Variants in AP2A2 observed in about 807,000 individuals in gnomAD.
AP2A2 encodes AP-2 complex subunit alpha-2.
In AP2A2, 32 loss-of-function variants were observed where a neutral mutation model predicts 104.2. That is an observed-to-expected ratio of 0.31 (90% CI 0.23 to 0.41). The LOEUF (loss-of-function observed/expected upper bound fraction) is 0.41. Ranked by LOEUF, AP2A2 falls within the 10% of genes least tolerant of loss-of-function variation. The pLI, the probability that AP2A2 is intolerant of heterozygous loss-of-function variation, is 1.00. For missense variants in AP2A2, 912 were observed against 1,261.0 expected, an observed-to-expected ratio of 0.72 and a Z score of 4.19; for synonymous variants, 539 against 533.3, an observed-to-expected ratio of 1.01 and a Z score of -0.15.
intron 6 of AP2A2, among the ~76,000 whole-genome samples, chr11:982,664 T>G (rs933314848): frequency 9.9e-5 from 15 of 152,044 alleles, no homozygotes; most frequent in Non-Finnish European, 2.1e-4. Flanking sequence ...TTTTTTTTTT[T>G]TTTGAGATAG....
intron 4 of AP2A2, among the ~76,000 whole-genome samples, chr11:973,171 C>A (rs966939765): frequency 2.0e-5 from 3 of 152,216 alleles, no homozygotes; most frequent in African/African-American, 7.2e-5. Flanking sequence ...ACAGTGAGGA[C>A]TGGAGACAAG....
chr11:935,486 G>T (rs1377857885), intron 1 of AP2A2, among the ~76,000 whole-genome samples: 2 of 151,708 alleles, frequency 1.3e-5, no homozygotes, highest in East Asian at 1.9e-4. Context: ...ATTTTTAGTA[G>T]AGACAGAGTT....
Position 1,000,456 on chromosome 11 carries a change from C to T in AP2A2, c.1981C>T (p.Leu661=). ...GTCTACGCCTTCTCCGTCGGCAGAC[C>T]TGCTGGGTCTCGGGGCTGCCCCCCC... ...AVSTPSPSAD[L]LGLGAAPPAP... Residue 661 remains leucine (L), a synonymous_variant, in exon 15 of 22, where the codon CTG becomes TTG. Coordinates refer to ENST00000448903, the MANE Select transcript of AP2A2 (RefSeq NM_012305.4). 1 of 1,543,196 alleles carries T rather than the reference C, an allele frequency of 6.5e-7. No homozygotes were observed. Among genetic ancestry groups the T allele is most frequent in the Non-Finnish European group, 8.7e-7 (1 of 1,147,500 alleles).
rs768577549 is a variant in AP2A2 at position 988,574 on chromosome 11, G to A, written c.1154G>A (p.Arg385Gln). The A allele has an allele frequency of 3.7e-6, 6 of 1,612,274 alleles. No individual in the cohort carries two copies. Among genetic ancestry groups the A allele is most frequent in the African/African-American group, 2.7e-5 (2 of 74,940 alleles). ...CAGACTGAGCGGGACGTGAGCGTGC[G>A]GCAGCGGGCCGTGGACCTCCTCTAC... Reference protein sequence around the residue: ...ALKTERDVSVRQRAVDLLYAM... With the variant: ...ALKTERDVSVQQRAVDLLYAM... The change falls in exon 10 of 22, where the codon CGG becomes CAG. Residue 385 changes from arginine to glutamine, a missense_variant. By Grantham distance (43) the Arg-to-Gln change is conservative. This residue lies in a region of AP2A2 where 350 missense variants were observed against 487.0 expected (regional missense o/e 0.72). Transcript: ENST00000448903.
chr11:961,470 C>T (rs78635296), intron 2 of AP2A2, among the ~76,000 whole-genome samples: 1 of 136,926 alleles, frequency 7.3e-6, no homozygotes, highest in Admixed American at 7.5e-5. Flanking sequence ...TCGCCACCAC[C>T]AGTGAAAAGT....
At chr11:935,676 C>T (rs966842172) in intron 1 of AP2A2, among the ~76,000 whole-genome samples, 14 of 137,558 alleles carry the variant, frequency 1.0e-4, no homozygotes, top group Non-Finnish European at 1.8e-4. Context: ...GGTGTGATCT[C>T]GGCTTACTGC....
intron 9 of AP2A2, among the ~76,000 whole-genome samples, chr11:987,628 G>A (rs1044027284): frequency 4.6e-5 from 7 of 151,932 alleles, no homozygotes; most frequent in Middle Eastern, 6.8e-3. Flanking sequence ...GCACTCCAGC[G>A]TGGGCGACAG....
At chr11:934,962 G>A (rs1853404391) in intron 1 of AP2A2, among the ~76,000 whole-genome samples, 1 of 151,596 alleles carries the variant, frequency 6.6e-6, no homozygotes, top group African/African-American at 2.4e-5. Flanking sequence ...GGGTTCAAGC[G>A]ATTCTCCTGC....
At chr11:952,449 G>A (rs933456572) in intron 1 of AP2A2, among the ~76,000 whole-genome samples, 1 of 152,204 alleles carries the variant, frequency 6.6e-6, no homozygotes, top group Admixed American at 6.5e-5. Flanking sequence ...CCTATAGAGT[G>A]TGTTCTTTGC....
intron 9 of AP2A2, among the ~76,000 whole-genome samples, chr11:987,987 G>A (rs11607478): frequency 0.017 from 2,623 of 152,372 alleles, 32 homozygotes; most frequent in Non-Finnish European, 0.026. Context: ...TTTGGTGTTT[G>A]TTTTAGTCAA....
At chr11:940,990 GA>G (rs1191385482) in intron 1 of AP2A2, 2 of 451,956 alleles carry the variant, frequency 4.4e-6, no homozygotes, top group Admixed American at 4.8e-5. Flanking sequence ...CTGCTCTCAC[GA>G]GGCCCCTTGC....
In AP2A2 at chr11:988,770, C is replaced by T. The variant is rs538516270; in HGVS notation, c.1269+81C>T. ...AGGATTTCCTTCGTGCTCTGCGATT[C>T]CGTCCAGCAGGACTTGATTGAGAAC... On this transcript the variant is annotated intron_variant, in intron 10 of 21. Coordinates refer to ENST00000448903, the MANE Select transcript of AP2A2 (RefSeq NM_012305.4). 6.7e-5 allele frequency: 103 copies of T among 1,539,146 alleles called. 1 individual carries two copies. The South Asian group carries it at 9.2e-4, about 14-fold the overall frequency.
chr11:1,002,252 C>T (rs555759612), intron 15 of AP2A2, among the ~76,000 whole-genome samples: 3 of 152,346 alleles, frequency 2.0e-5, no homozygotes, highest in Non-Finnish European at 4.4e-5. Flanking sequence ...GTGGAGTGCC[C>T]GCTGGCTGTG....
intron 1 of AP2A2, among the ~76,000 whole-genome samples, chr11:951,400 G>A (rs1382989765): frequency 6.6e-6 from 1 of 151,714 alleles, no homozygotes; most frequent in Non-Finnish European, 1.5e-5. Context: ...AGTGGCAGGC[G>A]CCTGTAATTC....
Position 994,192 on chromosome 11 carries a change from A to G in AP2A2, c.1903A>G (p.Ser635Gly), listed in dbSNP as rs1224527508. 1 of 1,612,916 alleles carries G rather than the reference A, an allele frequency of 6.2e-7. No individual in the cohort carries two copies. The highest frequency in any genetic ancestry group is 1.7e-5 in the Admixed American group (1 of 60,014). Residue 635 changes from serine to glycine, a missense_variant, in exon 14 of 22, where the codon AGT becomes GGT. Ser to Gly is a moderately conservative substitution (Grantham distance 56). Around this residue, in one of 7 missense-constraint regions of AP2A2, gnomAD observed 105 missense variants for 90.9 expected, o/e 1.16. Coordinates refer to ENST00000448903, the MANE Select transcript of AP2A2 (RefSeq NM_012305.4). The stretch of plus-strand genomic sequence containing the variant: ...CCTGGAGGACACCAAGCGGGACAGG[A>G]GTGTGGACGTGAACGGGGGTCCTGA... ...TDLEDTKRDR[S>G]VDVNGGPEPA...
At chr11:927,387 G>A (rs943095600) in intron 1 of AP2A2, among the ~76,000 whole-genome samples, 3 of 152,058 alleles carry the variant, frequency 2.0e-5, no homozygotes, top group Non-Finnish European at 2.9e-5. Context: ...GTATTTTGAG[G>A]GACTGTTGTG....
Position 976,979 on chromosome 11 carries a change from C to G in AP2A2, c.474-116C>G, listed in dbSNP as rs994517660. 4.8e-6 allele frequency: 7 copies of G among 1,447,960 alleles called. No individual in the cohort carries two copies. In the Admixed American group the frequency reaches 7.9e-5, roughly 16 times the overall value. The allele number at this position is 1,447,960 out of a possible 1,614,324, so 89.7% of individuals were successfully genotyped here. A position where few individuals can be genotyped will look rare whatever the true frequency, so the allele number is the denominator to read the frequency against. ...CTCGGCAGGCGGCCCTGAGTGCTGTCTTGGCCCCTGCGCCAGCCCCACCCC... is the reference window on the plus strand; with the variant it reads ...CTCGGCAGGCGGCCCTGAGTGCTGTGTTGGCCCCTGCGCCAGCCCCACCCC... On this transcript the variant is annotated intron_variant, in intron 4 of 21. Coordinates refer to ENST00000448903, the MANE Select transcript of AP2A2 (RefSeq NM_012305.4).
chr11:991,869 G>C (rs1855667895), intron 10 of AP2A2, among the ~76,000 whole-genome samples: 1 of 152,156 alleles, frequency 6.6e-6, no homozygotes, highest in African/African-American at 2.4e-5. Context: ...TGTTCGAAGG[G>C]GGCTTGGTTC....
At chr11:934,221 A>G (rs2134458353) in intron 1 of AP2A2, among the ~76,000 whole-genome samples, 1 of 152,152 alleles carries the variant, frequency 6.6e-6, no homozygotes, top group Non-Finnish European at 1.5e-5. Context: ...TAGGAATAAC[A>G]CTTCTAGCCG....
Sources: allele counts gnomAD v4.1 joint callset (sites outside exome capture counted in the v4.1 genomes callset), GRCh38; gene constraint gnomAD v4.1.1; regional missense constraint gnomAD v4.1.1; transcripts MANE v1.5; gene names NCBI Gene and HGNC (gene_info 2026-07-23, HGNC 2026-07-21).